TGIF1: variants seen among roughly 807,000 people sequenced by gnomAD.
TGIF1 encodes the protein homeobox protein TGIF1.
A neutral mutation model predicts 19.3 loss-of-function variants in TGIF1; 4 were observed. That is an observed-to-expected ratio of 0.21 (90% CI 0.10 to 0.47). The LOEUF (loss-of-function observed/expected upper bound fraction) is 0.47, where lower values mean the gene tolerates loss of function less well. TGIF1 is among the 20% of genes least tolerant of loss of function. The pLI, the probability that TGIF1 is intolerant of heterozygous loss-of-function variation, is 0.98. For synonymous variants in TGIF1, 122 were observed against 129.3 expected (o/e 0.94, Z 0.38); for missense variants, 275 against 341.4 (o/e 0.81, Z 1.53).
intron 1 of TGIF1, chr18:3,452,121 G>C (rs1241070648): frequency 6.2e-7 from 1 of 1,613,806 alleles, no homozygotes; most frequent in Non-Finnish European, 8.5e-7. Flanking sequence ...GGCTTTTCTG[G>C]CGTCCCCCCG....
intron 1 of TGIF1, 145 bp downstream of exon 1, chr18:3,450,650 T>G: frequency 6.7e-7 from 1 of 1,498,652 alleles, no homozygotes; most frequent in Non-Finnish European, 9.0e-7. Flanking sequence ...TTGTTGAGGC[T>G]GCGTCTGAAA....
intron 1 of TGIF1, among the ~76,000 whole-genome samples, chr18:3,453,594 G>C (rs1015260911): frequency 2.0e-5 from 3 of 150,572 alleles, no homozygotes; most frequent in Non-Finnish European, 4.4e-5. Context: ...GCTGAGGCAA[G>C]AGAATCGCTT....
intron 2 of TGIF1, among the ~76,000 whole-genome samples, chr18:3,427,373 C>A (rs1316135975): frequency 6.6e-6 from 1 of 151,994 alleles, no homozygotes; most frequent in Non-Finnish European, 1.5e-5. Context: ...GACACTGCAA[C>A]CTCCACCCCA....
At chr18:3,450,779 TTTCA>T (rs373506084) in intron 1 of TGIF1, among the ~76,000 whole-genome samples, 7 of 152,122 alleles carry the variant, frequency 4.6e-5, no homozygotes, top group Admixed American at 4.6e-4. Flanking sequence ...CGCCTGCAAG[TTTCA>T]TTGTCTCCGC....
intron 2 of TGIF1, among the ~76,000 whole-genome samples, chr18:3,421,563 C>T (rs1021766212): frequency 2.0e-5 from 3 of 151,564 alleles, no homozygotes; most frequent in Non-Finnish European, 2.9e-5. Flanking sequence ...CAGGCATGCA[C>T]CACCAAACCC....
At chr18:3,452,418 A>T in intron 1 of TGIF1, 1 of 1,612,864 alleles carries the variant, frequency 6.2e-7, no homozygotes, top group Non-Finnish European at 8.5e-7. Context: ...CGACTGGTTC[A>T]GGGCTCTTTG....
chr18:3,428,143 C>G (rs773774884), intron 2 of TGIF1, among the ~76,000 whole-genome samples: 8 of 152,174 alleles, frequency 5.3e-5, no homozygotes, highest in Non-Finnish European at 8.8e-5. Context: ...ATGGCAAGCT[C>G]TCTCCACTGC....
intron 1 of TGIF1, chr18:3,418,015 A>G (rs1231737512): frequency 1.3e-5 from 2 of 150,544 alleles, no homozygotes; most frequent in African/African-American, 2.5e-5. Context: ...TAGGGCTTAC[A>G]TATGATCGAA....
intron 1 of TGIF1, chr18:3,452,222 CCCT>C (rs757775729): frequency 1.0e-5 from 16 of 1,604,808 alleles, no homozygotes; most frequent in South Asian, 4.4e-5. Flanking sequence ...CCTGCGCCCC[CCCT>C]CCTCCACCGG....
At position 3,456,308 on chromosome 18, in the gene TGIF1, G is replaced by A; in HGVS notation, c.17-46G>A. 1 of 1,557,170 alleles carries A rather than the reference G, an allele frequency of 6.4e-7. No individual in the cohort carries two copies. Among genetic ancestry groups the A allele is most frequent in the Non-Finnish European group, 8.9e-7 (1 of 1,128,806 alleles). ...GCGTTAAGTGAGCTTTGCAATAGTT[G>A]CTGTGCTTATAAAGCAACTGACAAC... On this transcript the variant is annotated intron_variant, in intron 1 of 2. Transcript: ENST00000343820. The surrounding 1 kb of genome is among the most constrained non-coding windows in gnomAD (Gnocchi z 4.2).
chr18:3,420,436 A>C (rs539313705), intron 2 of TGIF1, among the ~76,000 whole-genome samples: 2 of 152,286 alleles, frequency 1.3e-5, no homozygotes, highest in South Asian at 4.1e-4. Context: ...AGTGGAAAAC[A>C]AAAAGGAAAC....
chr18:3,452,504 C>A, intron 1 of TGIF1: 1 of 1,447,946 alleles, frequency 6.9e-7, no homozygotes, highest in Non-Finnish European at 9.5e-7. Flanking sequence ...CTGGGGTGGG[C>A]AGGCCTCTGA....
At chr18:3,438,595 A>AC (rs1491476734) in intron 2 of TGIF1, among the ~76,000 whole-genome samples, 2,381 of 145,024 alleles carry the variant, frequency 0.016, 43 homozygotes, top group Non-Finnish European at 0.023. Flanking sequence ...TCATACACAC[A>AC]AACACACACA....
chr18:3,422,671 G>C (rs202047021), intron 2 of TGIF1, among the ~76,000 whole-genome samples: 10 of 54 alleles, frequency 0.19, no homozygotes, highest in Admixed American at 0.5. Flanking sequence ...TATATAGGTG[G>C]CCTTTTTTTT....
At chr18:3,454,718 A>G (rs543685014) in intron 1 of TGIF1, among the ~76,000 whole-genome samples, 1 of 152,224 alleles carries the variant, frequency 6.6e-6, no homozygotes, top group Non-Finnish European at 1.5e-5. Context: ...TTTCAAATAC[A>G]TGGCAGTTAA....
intron 1 of TGIF1, among the ~76,000 whole-genome samples, chr18:3,454,014 G>A (rs1269547256): frequency 6.6e-6 from 1 of 152,226 alleles, no homozygotes; most frequent in South Asian, 2.1e-4. Flanking sequence ...CCTGACAGCA[G>A]CAAACGTGGT....
chr18:3,452,058 T>C lies in TGIF1; in HGVS notation c.16+1553T>C. The C allele has an allele frequency of 1.9e-6, 3 of 1,613,880 alleles. 1 individual carries two copies. Among genetic ancestry groups the C allele is most frequent in the African/African-American group, 2.7e-5 (2 of 75,026 alleles). The stretch of plus-strand genomic sequence containing the variant: ...GGGCTCCGGCGGGGGCGGCTCTGAT[T>C]CCTTTCCATGGCCCGCCTCCCACCC... On this transcript the variant is annotated intron_variant, in intron 1 of 2. Coordinates refer to ENST00000343820, the MANE Select transcript of TGIF1 (RefSeq NM_003244.4).
chr18:3,415,559 C>T (rs2082321645), intron 1 of TGIF1: 2 of 332,764 alleles, frequency 6.0e-6, no homozygotes, highest in Admixed American at 6.2e-5. Context: ...CAGGACCCTC[C>T]AGCTCCAGCC....
intron 1 of TGIF1, among the ~76,000 whole-genome samples, chr18:3,453,099 A>AT (rs796823144): frequency 1.5e-3 from 218 of 148,648 alleles, no homozygotes; most frequent in African/African-American, 3.8e-3. Flanking sequence ...GGAGATACTG[A>AT]TTTTTTTTTT....
Sources: allele counts gnomAD v4.1 joint callset (sites outside exome capture counted in the v4.1 genomes callset), GRCh38; gene constraint gnomAD v4.1.1; non-coding constraint Gnocchi (gnomAD v3.1); transcripts MANE v1.5; gene names NCBI Gene and HGNC (gene_info 2026-07-23, HGNC 2026-07-21).